Variants in OBSL1 observed in about 807,000 individuals in gnomAD.
OBSL1 encodes obscurin like cytoskeletal adaptor 1, also known as obscurin-like protein 1.
In OBSL1, 160 loss-of-function variants were observed where a neutral mutation model predicts 172.0. That is an observed-to-expected ratio of 0.93 (90% CI 0.82 to 1.06). The LOEUF is 1.06. OBSL1 is among the 50% of genes least tolerant of loss of function. The probability of loss-of-function intolerance (pLI) is 0.00; values close to 1 mark genes in which losing one functional copy is unlikely to be tolerated. For synonymous variants in OBSL1, 1,200 were observed against 1,196.3 expected (o/e 1.00, Z -0.06); for missense variants, 2,681 against 2,715.4 (o/e 0.99, Z 0.28).
downstream of OBSL1, chr2:219,549,237 ACCT>A: frequency 6.2e-7 from 1 of 1,613,738 alleles, no homozygotes; most frequent in Non-Finnish European, 8.5e-7. Flanking sequence ...GGAAAAAGAG[ACCT>A]CCTCGGGCTC....
rs1023984420 is a variant in OBSL1, at chr2:219,563,385, C to A, written c.2650G>T (p.Glu884Ter). Residue 884 changes from glutamate to a stop codon, truncating the protein, a stop_gained, in exon 7 of 21, where the codon GAG becomes TAG. Coordinates refer to ENST00000404537, the MANE Select transcript of OBSL1 (RefSeq NM_015311.3). LOFTEE classifies it high-confidence loss of function. ...ATGGTGACAGTGAAGTAGGCACACT[C>A]ATCTCCAGCGACGCACTGAAACTCG... is the stretch of plus-strand genomic sequence containing the variant. ...GGEFQCVAGDECAYFTVTITD... is the reference protein window; with the variant it reads ...GGEFQCVAGD 1 of 1,599,654 alleles carries A rather than the reference C, an allele frequency of 6.3e-7. No individual in the cohort carries two copies. The highest frequency in any genetic ancestry group is 1.3e-5 in the African/African-American group (1 of 74,902).
downstream of OBSL1, chr2:219,547,726 C>T (rs750917211): frequency 3.6e-5 from 57 of 1,586,480 alleles, no homozygotes; most frequent in South Asian, 5.6e-5. Context: ...GCCTGCTGCT[C>T]GCAGCTGCTG....
Position 219,554,532 on chromosome 2 carries a change from T to C in OBSL1, c.4818A>G (p.Ser1606=). The C allele has an allele frequency of 6.2e-7, 1 of 1,613,422 alleles. No individual in the cohort carries two copies. ...LVLNGLGLAD[S]GCVSFTADSL... is the part of the protein sequence containing the mutation. ...AATCCGCTGTGAAGGAGACACAGCC[T>C]GAGTCGGCCAGGCCCAGGCCATTGA... Residue 1606 remains serine (S), a synonymous_variant, in exon 15 of 21, where the codon TCA becomes TCG. Transcript: ENST00000404537.
At chr2:219,548,970 A>G (rs536325208), downstream of OBSL1, 6 of 636,978 alleles carry the variant, frequency 9.4e-6, no homozygotes, top group South Asian at 7.9e-5. Flanking sequence ...AGAAAAGAAC[A>G]ACAGCGGGAA....
rs12471073 is a variant in OBSL1 at position 219,554,851 on chromosome 2, G to T, written c.4610-111C>A. The T allele has an allele frequency of 2.2e-3, 2,830 of 1,306,784 alleles. 48 individuals carry two copies. The African/African-American group carries it at 0.036, about 17-fold the overall frequency. 80.9% of individuals were successfully genotyped at this position (1,306,784 alleles called of 1,614,324 possible). On this transcript the variant is annotated intron_variant, in intron 14 of 20. Transcript: ENST00000404537. ...TACACCCCTGAACACCCAACCTAAG[G>T]TCCTGACCAAAAAAGTTCGGAACCA...
At position 219,568,904 on chromosome 2, in the gene OBSL1, G is replaced by A. The variant is rs1447060293; in HGVS notation, c.1013-580C>T. On this transcript the variant is annotated intron_variant, in intron 1 of 20. Coordinates refer to ENST00000404537, the MANE Select transcript of OBSL1 (RefSeq NM_015311.3). The surrounding 1 kb of genome is among the most constrained non-coding windows in gnomAD (Gnocchi z 4.1). Reference sequence around the variant, plus strand: ...TGGGATTACAGGCAGGCGCCACCACGCCTGGCTAATGATTTTGTATTTTTA... The same window carrying A: ...TGGGATTACAGGCAGGCGCCACCACACCTGGCTAATGATTTTGTATTTTTA... 6.6e-6 allele frequency among the ~76,000 whole-genome samples: 1 copy of A among 151,740 alleles called. No homozygotes were observed. Among genetic ancestry groups the A allele is most frequent in the Non-Finnish European group, 1.5e-5 (1 of 67,914 alleles).
At position 219,554,757 on chromosome 2, in the gene OBSL1, G is replaced by T. The variant is rs761212982; in HGVS notation, c.4610-17C>A. ...GCTGCCTCGCTGGCCGGGGGAGATG[G>T]AGAGAGGGAGGATGAGGCCTCCAGC... On this transcript the variant is annotated splice_polypyrimidine_tract_variant and intron_variant, in intron 14 of 20. Transcript: ENST00000404537. 27 of 1,528,224 alleles carry T rather than the reference G, an allele frequency of 1.8e-5. No individual in the cohort carries two copies. Among genetic ancestry groups the T allele is most frequent in the Non-Finnish European group, 1.9e-5 (22 of 1,133,002 alleles). The allele number at this position is 1,528,224 out of a possible 1,614,324, so 94.7% of individuals were successfully genotyped here.
downstream of OBSL1, chr2:219,549,295 CCT>C: frequency 6.2e-7 from 1 of 1,613,910 alleles, no homozygotes; most frequent in Admixed American, 1.7e-5. Context: ...GCCACCAGAC[CCT>C]GCTTATCGGC....
chr2:219,552,076 T>G (rs763454421), intron 19 of OBSL1, 36 bp downstream of exon 19: 1 of 1,519,472 alleles, frequency 6.6e-7, no homozygotes, highest in Non-Finnish European at 9.0e-7. Context: ...AGAGACAGGA[T>G]GTACACTCTC....
rs1695630138 is a variant in OBSL1 at position 219,551,812 on chromosome 2, G to A, written c.5414-14C>T. The A allele has an allele frequency of 6.6e-7, 1 of 1,515,140 alleles. No individual in the cohort carries two copies. Among genetic ancestry groups the A allele is most frequent in the Non-Finnish European group, 9.0e-7 (1 of 1,113,806 alleles). The allele number at this position is 1,515,140 out of a possible 1,614,324, so 93.9% of individuals were successfully genotyped here. ...GGAGAGGCAATGCTGGGGGTAGGGGGCGGGGGCTTAAGTTAATAGGGACAC... is the reference window on the plus strand; with the variant it reads ...GGAGAGGCAATGCTGGGGGTAGGGGACGGGGGCTTAAGTTAATAGGGACAC... On this transcript the variant is annotated splice_polypyrimidine_tract_variant and intron_variant, in intron 19 of 20. Coordinates refer to ENST00000404537, the MANE Select transcript of OBSL1 (RefSeq NM_015311.3).
chr2:219,568,436 C>T lies in OBSL1; in HGVS notation c.1013-112G>A, dbSNP rs571595419. The T allele has an allele frequency of 3.1e-5, 33 of 1,076,948 alleles. No individual in the cohort carries two copies. Among genetic ancestry groups the T allele is most frequent in the Admixed American group, 1.1e-4 (4 of 35,822 alleles). 66.7% of individuals were successfully genotyped at this position (1,076,948 alleles called of 1,614,324 possible). Reference sequence around the variant, plus strand: ...CTGTGTGCTCTTCATGCAGAGCCAGCGGGCACTGTGGAATCACAGAAAACT... The same window carrying T: ...CTGTGTGCTCTTCATGCAGAGCCAGTGGGCACTGTGGAATCACAGAAAACT... On this transcript the variant is annotated intron_variant, in intron 1 of 20. Coordinates refer to ENST00000404537, the MANE Select transcript of OBSL1 (RefSeq NM_015311.3). This position sits in a 1 kb window ranked among gnomAD's most constrained non-coding sequence, Gnocchi z 4.1.
rs1294145402 is a variant in OBSL1, at chr2:219,567,839, G to C, written c.1413C>G (p.Ile471Met). Residue 471 changes from isoleucine to methionine, a missense_variant, in exon 3 of 21, where the codon ATC becomes ATG. By Grantham distance (10) the Ile-to-Met change is conservative. Transcript: ENST00000404537. ...GCATGTGGCCTGAGCTGCTCTGGCA[G>C]ATGACCGGCAGCTCCTCCCCATCAC... ...WSRDGEELPV[I>M]CQSSSGHMHA... 1.2e-6 allele frequency: 2 copies of C among 1,613,872 alleles called. No individual in the cohort carries two copies. The highest frequency in any genetic ancestry group is 3.3e-5 in the Admixed American group (2 of 60,010).
intron 14 of OBSL1, chr2:219,555,779 T>A: frequency 7.3e-7 from 1 of 1,378,214 alleles, no homozygotes; most frequent in Non-Finnish European, 9.4e-7. Context: ...ATATTTGTGT[T>A]TATAGCAAAG....
intron 8 of OBSL1, among the ~76,000 whole-genome samples, chr2:219,561,185 G>A (rs538308986): frequency 9.9e-5 from 15 of 152,266 alleles, no homozygotes; most frequent in Non-Finnish European, 1.8e-4. Context: ...CTCTGCATGG[G>A]GCGTGACTTT....
intron 16 of OBSL1, 89 bp downstream of exon 16, chr2:219,553,485 C>G: frequency 1.0e-6 from 1 of 952,978 alleles, no homozygotes; most frequent in Non-Finnish European, 1.7e-6. Flanking sequence ...CCAGGCACAT[C>G]CGCTCAAGGA....
Position 219,551,718 on chromosome 2 carries a change from C to T in OBSL1, c.5494G>A (p.Val1832Met). Residue 1832 changes from valine to methionine, a missense_variant, in exon 20 of 21, where the codon GTG (valine) becomes ATG (methionine). Coordinates refer to ENST00000404537, the MANE Select transcript of OBSL1 (RefSeq NM_015311.3). ...VGRRAVLEVT[V>M]SRSGGHVCWL... ...CACACGTGGCCCCCCGAGCGGGACA[C>T]AGTCACCTCCAGCACCGCCCGGCGG... 1.9e-6 allele frequency: 3 copies of T among 1,609,574 alleles called. No homozygotes were observed. Among genetic ancestry groups the T allele is most frequent in the Non-Finnish European group, 2.5e-6 (3 of 1,178,574 alleles).
Position 219,551,804 on chromosome 2 carries a change from G to C in OBSL1, c.5414-6C>G. On this transcript the variant is annotated splice_polypyrimidine_tract_variant and splice_region_variant and intron_variant, in intron 19 of 20. Coordinates refer to ENST00000404537, the MANE Select transcript of OBSL1 (RefSeq NM_015311.3). ...GCACATCTGGAGAGGCAATGCTGGG[G>C]GTAGGGGGCGGGGGCTTAAGTTAAT... The C allele has an allele frequency of 6.5e-7, 1 of 1,544,050 alleles. No homozygotes were observed. Among genetic ancestry groups the C allele is most frequent in the South Asian group, 1.2e-5 (1 of 84,922 alleles).
intron 9 of OBSL1, 24 bp downstream of exon 9, chr2:219,559,201 C>A: frequency 6.3e-7 from 1 of 1,575,388 alleles, no homozygotes; most frequent in South Asian, 1.2e-5. Context: ...TCTACCTCCT[C>A]TCTGTGCTGC....
rs1202984161 is a variant in OBSL1 at position 219,557,985 on chromosome 2, C to T, written c.3628G>A (p.Gly1210Arg). The change falls in exon 11 of 21, where the codon GGG (glycine) becomes AGG (arginine). Residue 1210 changes from glycine to arginine, a missense_variant. Around this residue, in one of 5 missense-constraint regions of OBSL1, gnomAD observed 1,765 missense variants for 1,748.3 expected, o/e 1.01. Transcript: ENST00000404537. ...CCCTCGCCCTCCTGCACGGGCCTCC[C>T]ATTGTGGCTCCAGACCACGGGGGCG... is the stretch of plus-strand genomic sequence containing the variant. ...AGAPVVWSHN[G>R]RPVQEGEGLE... 3 of 1,611,370 alleles carry T rather than the reference C, an allele frequency of 1.9e-6. No individual in the cohort carries two copies. The highest frequency in any genetic ancestry group is 2.2e-5 in the South Asian group (2 of 90,910).
Sources: gnomAD v4.1 joint callset for allele counts (sites outside exome capture counted in the v4.1 genomes callset) on GRCh38, gnomAD v4.1.1 for gene constraint, gnomAD v4.1.1 regional missense constraint, Gnocchi (gnomAD v3.1) non-coding constraint, MANE v1.5 for transcripts, NCBI Gene and HGNC (gene_info 2026-07-23, HGNC 2026-07-21) for gene names.